Variants in AGBL4 observed in about 807,000 individuals in gnomAD.
AGBL4 encodes the protein AGBL carboxypeptidase 4, also known as cytosolic carboxypeptidase 6.
In AGBL4, 58 loss-of-function variants were observed where a neutral mutation model predicts 66.4. The observed-to-expected ratio is 0.87, with a 90% CI of 0.71 to 1.09. AGBL4 has a LOEUF of 1.09. AGBL4 is among the 50% of genes least tolerant of loss of function. The pLI is 0.00. For missense variants in AGBL4, 579 were observed against 631.0 expected, an observed-to-expected ratio of 0.92 and a Z score of 0.88; for synonymous variants, 234 against 222.9, an observed-to-expected ratio of 1.05 and a Z score of -0.44.
At chr1:48,771,053 C>T (rs1459027207) in intron 6 of AGBL4, among the ~76,000 whole-genome samples, 1 of 152,178 alleles carries the variant, frequency 6.6e-6, no homozygotes, top group East Asian at 1.9e-4. Flanking sequence ...GTGCACTGAA[C>T]CTGGAACCAG....
chr1:49,411,774 C>T (rs774684482), intron 3 of AGBL4, among the ~76,000 whole-genome samples: 1 of 152,192 alleles, frequency 6.6e-6, no homozygotes, highest in East Asian at 1.9e-4. Context: ...AGGACACTGA[C>T]ACAACCAAAT....
At chr1:49,761,457 G>A (rs2147862509) in intron 2 of AGBL4, among the ~76,000 whole-genome samples, 1 of 152,268 alleles carries the variant, frequency 6.6e-6, no homozygotes, top group Non-Finnish European at 1.5e-5. Context: ...TTAAGGAACT[G>A]TATTACATAC....
At chr1:48,562,090 G>A (rs1040655494) in intron 11 of AGBL4, among the ~76,000 whole-genome samples, 13 of 152,260 alleles carry the variant, frequency 8.5e-5, no homozygotes, top group African/African-American at 3.1e-4. Context: ...CCTGACTAAT[G>A]CAACCATATT....
At position 49,946,557 on chromosome 1, in the gene AGBL4, G is replaced by A. The variant is rs1032467268; in HGVS notation, c.34+77206C>T. Reference sequence around the variant, plus strand: ...TCAAAACCTCTGGGATACAGCAAAGGCAGTGCTAATAGGAAATATCATAGC... The same window carrying A: ...TCAAAACCTCTGGGATACAGCAAAGACAGTGCTAATAGGAAATATCATAGC... On this transcript the variant is annotated intron_variant, in intron 1 of 13. Coordinates refer to ENST00000371839, the MANE Select transcript of AGBL4 (RefSeq NM_032785.4). 4.0e-5 allele frequency among the ~76,000 whole-genome samples: 6 copies of A among 151,828 alleles called. No homozygotes were observed. In the East Asian group the frequency reaches 1.2e-3, roughly 29 times the overall value.
intron 2 of AGBL4, among the ~76,000 whole-genome samples, chr1:49,715,224 T>G (rs960992652): frequency 6.6e-6 from 1 of 152,190 alleles, no homozygotes. Context: ...TGTTTGGTTT[T>G]CTGTTCCTGT....
In AGBL4 at chr1:49,878,242, T is replaced by C. The variant is rs1198035613; in HGVS notation, c.35-26724A>G. On this transcript the variant is annotated intron_variant, in intron 1 of 13. Coordinates refer to ENST00000371839, the MANE Select transcript of AGBL4 (RefSeq NM_032785.4). ...GCTCTTGCTTTTCTAGTTCTTTTAA[T>C]TGTGATCTTAGGGTGTCAATTTTGG... Among the ~76,000 whole-genome samples, 6 of 149,226 alleles carry C rather than the reference T, an allele frequency of 4.0e-5. No individual in the cohort carries two copies. The South Asian group carries it at 1.3e-3, about 32-fold the overall frequency.
At chr1:49,972,139 G>A (rs1284662316) in intron 1 of AGBL4, among the ~76,000 whole-genome samples, 2 of 151,258 alleles carry the variant, frequency 1.3e-5, no homozygotes, top group Admixed American at 6.6e-5. Flanking sequence ...GGATGGTCTC[G>A]ATCTCCTGAC....
chr1:50,013,514 C>A (rs1661708377), intron 1 of AGBL4, among the ~76,000 whole-genome samples: 1 of 152,182 alleles, frequency 6.6e-6, no homozygotes, highest in African/African-American at 2.4e-5. Context: ...GCTTTCTAGT[C>A]TTTTATAGGA....
intron 4 of AGBL4, among the ~76,000 whole-genome samples, chr1:49,077,502 C>G (rs1644733217): frequency 1.3e-5 from 2 of 152,054 alleles, no homozygotes; most frequent in South Asian, 4.1e-4. Flanking sequence ...CAAACTAAAA[C>G]TGTGTAAAGT....
At chr1:49,647,326 A>G (rs928058781) in intron 3 of AGBL4, among the ~76,000 whole-genome samples, 5 of 152,262 alleles carry the variant, frequency 3.3e-5, no homozygotes, top group South Asian at 2.1e-4. Flanking sequence ...CATAAGAGAA[A>G]TGAGATCATA....
chr1:49,478,033 A>T (rs947213965), intron 3 of AGBL4, among the ~76,000 whole-genome samples: 39 of 151,698 alleles, frequency 2.6e-4, no homozygotes, highest in Non-Finnish European at 5.4e-4. Context: ...AAAAAATTTT[A>T]AAAAAGAATT....
At chr1:49,839,838 A>G (rs929086464) in intron 2 of AGBL4, among the ~76,000 whole-genome samples, 1 of 152,230 alleles carries the variant, frequency 6.6e-6, no homozygotes, top group Non-Finnish European at 1.5e-5. Flanking sequence ...GCATTGTACA[A>G]TACTTTCTCC....
intron 3 of AGBL4, among the ~76,000 whole-genome samples, chr1:49,557,729 A>T (rs968342354): frequency 6.6e-6 from 1 of 152,066 alleles, no homozygotes; most frequent in African/African-American, 2.4e-5. Context: ...CTTGTAAGTG[A>T]GTCCTATTGC....
intron 1 of AGBL4, among the ~76,000 whole-genome samples, chr1:49,921,904 T>C (rs772496970): frequency 2.0e-5 from 3 of 152,066 alleles, no homozygotes; most frequent in Admixed American, 2.0e-4. Flanking sequence ...CAAATATCAA[T>C]ATCCTCTGGC....
Position 48,898,750 on chromosome 1 carries a change from C to T in AGBL4, c.595-31520G>A, listed in dbSNP as rs184014672. Reference sequence around the variant, plus strand: ...GATGCTTCCAGCCTTGTTCTTTTTGCTCAGGGTTGCTTTGGCTATTTGGGG... The same window carrying T: ...GATGCTTCCAGCCTTGTTCTTTTTGTTCAGGGTTGCTTTGGCTATTTGGGG... On this transcript the variant is annotated intron_variant, in intron 5 of 13. Transcript: ENST00000371839. 2.2e-3 allele frequency among the ~76,000 whole-genome samples: 334 copies of T among 152,106 alleles called. 1 individual carries two copies. The highest frequency in any genetic ancestry group is 7.5e-3 in the African/African-American group (310 of 41,482).
chr1:49,212,697 C>A (rs1166621675), intron 4 of AGBL4, among the ~76,000 whole-genome samples: 1 of 152,106 alleles, frequency 6.6e-6, no homozygotes, highest in Non-Finnish European at 1.5e-5. Context: ...CTGATGACCA[C>A]ACCCTTGCTT....
intron 3 of AGBL4, among the ~76,000 whole-genome samples, chr1:49,377,522 T>G (rs1483406104): frequency 1.3e-5 from 2 of 152,052 alleles, no homozygotes; most frequent in Non-Finnish European, 2.9e-5. Context: ...TCACATGTCA[T>G]TCCCTACTAC....
chr1:49,393,243 T>TA (rs1377215416), intron 3 of AGBL4, among the ~76,000 whole-genome samples: 3 of 151,996 alleles, frequency 2.0e-5, no homozygotes, highest in Admixed American at 6.6e-5. Flanking sequence ...AAAAGTAAAA[T>TA]AATAAATATA....
chr1:49,979,485 T>TA (rs1188835607), intron 1 of AGBL4, among the ~76,000 whole-genome samples: 5 of 152,036 alleles, frequency 3.3e-5, no homozygotes, highest in African/African-American at 1.2e-4. Context: ...AAAAAAAACT[T>TA]ACAACCTGTT....
Sources: allele counts gnomAD v4.1 joint callset (sites outside exome capture counted in the v4.1 genomes callset), GRCh38; gene constraint gnomAD v4.1.1; transcripts MANE v1.5; gene names NCBI Gene and HGNC (gene_info 2026-07-23, HGNC 2026-07-21).